Variants in KIF1B observed in about 807,000 individuals in gnomAD.
KIF1B encodes the protein kinesin family member 1B.
In KIF1B, 76 loss-of-function variants were observed where a neutral mutation model predicts 241.9. The ratio of observed to expected loss-of-function variants is 0.31; its 90% CI spans 0.26 to 0.38. KIF1B has a LOEUF of 0.38. KIF1B is among the 10% of genes least tolerant of loss of function. The probability of loss-of-function intolerance (pLI) is 1.00; values close to 1 mark genes in which losing one functional copy is unlikely to be tolerated. For missense variants in KIF1B, 1,622 were observed against 2,271.4 expected (o/e 0.71, Z 5.81); for synonymous variants, 750 against 796.7 (o/e 0.94, Z 0.99).
chr1:10,212,896 A>G (rs1233294654), intron 1 of KIF1B, among the ~76,000 whole-genome samples: 1,105 of 31,742 alleles, frequency 0.035, 10 homozygotes, highest in Non-Finnish European at 0.043. Context: ...GTGTGTATAT[A>G]TATATATATA....
chr1:10,233,024 A>G (rs769238059), intron 2 of KIF1B, among the ~76,000 whole-genome samples: 27 of 152,210 alleles, frequency 1.8e-4, no homozygotes, highest in Non-Finnish European at 3.1e-4. Flanking sequence ...CAAATTATCA[A>G]TTAAAATAGA....
chr1:10,248,645 A>G (rs970076649), intron 2 of KIF1B, among the ~76,000 whole-genome samples: 2 of 152,222 alleles, frequency 1.3e-5, no homozygotes, highest in Non-Finnish European at 2.9e-5. Flanking sequence ...AAAGTTCCCA[A>G]ACATGCTGCC....
At chr1:10,273,934 CTTTTTTTTTTT>C (rs35845856) in intron 10 of KIF1B, among the ~76,000 whole-genome samples, 1 of 116,814 alleles carries the variant, frequency 8.6e-6, no homozygotes, top group Non-Finnish European at 1.7e-5. Flanking sequence ...TTAGTAGCTT[CTTTTTTTTTTT>C]TTTTTTTTGG....
chr1:10,338,754 C>T (rs1254917261), intron 31 of KIF1B, among the ~76,000 whole-genome samples: 2 of 152,222 alleles, frequency 1.3e-5, no homozygotes, highest in Non-Finnish European at 2.9e-5. Flanking sequence ...GCTCCTCTGG[C>T]CTGTGCCGGG....
intron 34 of KIF1B, 81 bp downstream of exon 34, chr1:10,343,368 C>A (rs1020189230): frequency 1.8e-5 from 24 of 1,353,170 alleles, no homozygotes; most frequent in South Asian, 2.4e-5. Flanking sequence ...AAATAGAAGT[C>A]ATGTTTGAAT....
At chr1:10,347,693 A>T in intron 35 of KIF1B, 68 bp from the exon 36 acceptor site, 1 of 1,306,878 alleles carries the variant, frequency 7.7e-7, no homozygotes, top group African/African-American at 1.5e-5. Context: ...CAAAACAAAG[A>T]CCACCAGGGG....
At chr1:10,245,102 A>G (rs1052153415) in intron 2 of KIF1B, among the ~76,000 whole-genome samples, 2 of 152,238 alleles carry the variant, frequency 1.3e-5, no homozygotes, top group Non-Finnish European at 2.9e-5. Flanking sequence ...ACAACAGTAT[A>G]ATTACTAGAC....
Position 10,365,272 on chromosome 1 carries a change from G to C in KIF1B, c.4512+27G>C. ...TATCCAGGGGCAGGGTTGTTCAGATGCAAGAACTCTCGGACAAGATTGCCA... is the reference window on the plus strand; with the variant it reads ...TATCCAGGGGCAGGGTTGTTCAGATCCAAGAACTCTCGGACAAGATTGCCA... On this transcript the variant is annotated intron_variant, in intron 42 of 48. Coordinates refer to ENST00000676179, the MANE Select transcript of KIF1B (RefSeq NM_001365951.3). This position sits in a 1 kb window ranked among gnomAD's most constrained non-coding sequence, Gnocchi z 4.0. 1 of 1,613,672 alleles carries C rather than the reference G, an allele frequency of 6.2e-7. No individual in the cohort carries two copies. Among genetic ancestry groups the C allele is most frequent in the Non-Finnish European group, 8.5e-7 (1 of 1,179,806 alleles).
chr1:10,316,799 GGCCTATTTTAGTATTTATTATCCTTTCTT>G (rs1366145057), intron 22 of KIF1B, among the ~76,000 whole-genome samples: 4 of 151,660 alleles, frequency 2.6e-5, no homozygotes, highest in African/African-American at 9.8e-5. Context: ...CACTGTGCTT[GGCCTATTTTAGTATTTATTATCCTTTCTT>G]GATTCAGTTA....
chr1:10,359,910 A>G (rs1461275538), intron 38 of KIF1B, among the ~76,000 whole-genome samples: 1 of 151,940 alleles, frequency 6.6e-6, no homozygotes, highest in African/African-American at 2.4e-5. Flanking sequence ...GTGCGTGCCT[A>G]TAATCCCAGC....
At chr1:10,333,154 G>A (rs1045896288) in intron 27 of KIF1B, among the ~76,000 whole-genome samples, 6 of 151,668 alleles carry the variant, frequency 4.0e-5, no homozygotes, top group Non-Finnish European at 7.4e-5. Flanking sequence ...GGCCAGGCAC[G>A]GTGGCTCACG....
intron 2 of KIF1B, among the ~76,000 whole-genome samples, chr1:10,244,344 C>T (rs868411036): frequency 7.7e-4 from 79 of 103,176 alleles, no homozygotes; most frequent in African/African-American, 2.9e-3. Flanking sequence ...GATGGAGTTT[C>T]GCTCTTGTTG....
Position 10,241,673 on chromosome 1 carries a change from T to A in KIF1B, c.106+9239T>A, listed in dbSNP as rs140095898. ...GTTGTTGTAGTCTTTGAGATTGTCA[T>A]AATTAAAATCCAAAGTAAACTTTGT... On this transcript the variant is annotated intron_variant, in intron 2 of 48. Coordinates refer to ENST00000676179, the MANE Select transcript of KIF1B (RefSeq NM_001365951.3). 1.6e-3 allele frequency among the ~76,000 whole-genome samples: 247 copies of A among 152,318 alleles called. 2 individuals carry two copies. The highest frequency in any genetic ancestry group is 5.6e-3 in the African/African-American group (232 of 41,558).
chr1:10,370,519 G>A lies in KIF1B; in HGVS notation c.4825-622G>A, dbSNP rs191592710. Among the ~76,000 whole-genome samples, 1,227 of 151,684 alleles carry A rather than the reference G, an allele frequency of 8.1e-3. 8 individuals carry two copies. Among genetic ancestry groups the A allele is most frequent in the Non-Finnish European group, 0.011 (773 of 67,950 alleles). On this transcript the variant is annotated intron_variant, in intron 44 of 48. Coordinates refer to ENST00000676179, the MANE Select transcript of KIF1B (RefSeq NM_001365951.3). ...GCTGAGGCTACAGTGAGCCAACATC[G>A]CACCACTGCACTACAGCCTGGTAGA...
chr1:10,274,553 A>G (rs999886639), intron 10 of KIF1B, among the ~76,000 whole-genome samples: 1 of 152,180 alleles, frequency 6.6e-6, no homozygotes, highest in Non-Finnish European at 1.5e-5. Context: ...TTCCTTTCAA[A>G]GAGACCAAAT....
chr1:10,296,834 G>A lies in KIF1B; in HGVS notation c.1862-63G>A, dbSNP rs2102258616. On this transcript the variant is annotated intron_variant, in intron 20 of 48. Coordinates refer to ENST00000676179, the MANE Select transcript of KIF1B (RefSeq NM_001365951.3). ...TTTCACATTAGGGAGGGGTGAGGTT[G>A]TTAAATAGATACTATATATTAAAAA... The A allele has an allele frequency of 6.1e-6, 9 of 1,477,544 alleles. No homozygotes were observed. The South Asian group carries it at 1.0e-4, about 17-fold the overall frequency. 91.5% of individuals were successfully genotyped at this position (1,477,544 alleles called of 1,614,324 possible). A position where few individuals can be genotyped will look rare whatever the true frequency, so the allele number is the denominator to read the frequency against.
chr1:10,373,819 T>G (rs891578564), intron 45 of KIF1B, among the ~76,000 whole-genome samples: 1 of 152,118 alleles, frequency 6.6e-6, no homozygotes, highest in Non-Finnish European at 1.5e-5. Flanking sequence ...TACATCATCA[T>G]CCCCTGGGAG....
Position 10,375,264 on chromosome 1 carries a change from A to G in KIF1B, c.5299A>G (p.Thr1767Ala). The change falls in exon 48 of 49, where the codon ACC becomes GCC. Residue 1767 changes from threonine to alanine, a missense_variant. Coordinates refer to ENST00000676179, the MANE Select transcript of KIF1B (RefSeq NM_001365951.3). ...TGCATTTTTCTTTCAGACACCAAAC[A>G]CCTTTGCTGTCTGCACAAAGCACCG... Reference protein sequence around the residue: ...DQQAMVKTPNTFAVCTKHRGV... With the variant: ...DQQAMVKTPNAFAVCTKHRGV... 6.2e-7 allele frequency: 1 copy of G among 1,612,810 alleles called. No individual in the cohort carries two copies. Among genetic ancestry groups the G allele is most frequent in the Non-Finnish European group, 8.5e-7 (1 of 1,178,858 alleles).
chr1:10,325,904 A>T (rs1651704451), intron 26 of KIF1B, among the ~76,000 whole-genome samples: 1 of 152,176 alleles, frequency 6.6e-6, no homozygotes, highest in Admixed American at 6.6e-5. Flanking sequence ...TCTAAGGATT[A>T]GTCCTTACAT....
Sources: gnomAD v4.1 joint callset for allele counts (sites outside exome capture counted in the v4.1 genomes callset) on GRCh38, gnomAD v4.1.1 for gene constraint, Gnocchi (gnomAD v3.1) non-coding constraint, MANE v1.5 for transcripts, NCBI Gene and HGNC (gene_info 2026-07-23, HGNC 2026-07-21) for gene names.